Variants in FOXK1 observed in about 807,000 individuals in gnomAD.
FOXK1 encodes the protein forkhead box K1, also known as forkhead box protein K1.
A neutral mutation model predicts 51.9 loss-of-function variants in FOXK1; 19 were observed. That is an observed-to-expected ratio of 0.37 (90% confidence interval 0.26 to 0.54). FOXK1 has a LOEUF of 0.54. FOXK1 is among the 20% of genes least tolerant of loss of function. The pLI is 0.87. For missense variants in FOXK1, 870 were observed against 1,032.7 expected (o/e 0.84, Z 2.16); for synonymous variants, 537 against 482.6 (o/e 1.11, Z -1.48).
intron 1 of FOXK1, among the ~76,000 whole-genome samples, chr7:4,705,517 TTCTCTCTC>T (rs56842360): frequency 0.042 from 4,635 of 111,584 alleles, 221 homozygotes; most frequent in African/African-American, 0.13. Flanking sequence ...TTCCTTCTCT[TTCTCTCTC>T]TCTCTCTCTC....
chr7:4,729,161 GC>G lies in FOXK1; in HGVS notation c.561-11675del, dbSNP rs1780418193. ...ACGCGGTCTTTTTACGTCTGTTTAA[GC>G]CACACAGCATGGTGGGGAGCGGAGG... On this transcript the variant is annotated intron_variant, in intron 1 of 8. Coordinates refer to ENST00000328914, the MANE Select transcript of FOXK1 (RefSeq NM_001037165.2). This position sits in a 1 kb window ranked among gnomAD's most constrained non-coding sequence, Gnocchi z 6.2. Among the ~76,000 whole-genome samples, 1 of 152,228 alleles carries G rather than the reference GC, an allele frequency of 6.6e-6. No individual in the cohort carries two copies. The highest frequency in any genetic ancestry group is 6.5e-5 in the Admixed American group (1 of 15,284).
At position 4,761,108 on chromosome 7, in the gene FOXK1, G is replaced by C; in HGVS notation, c.1741G>C (p.Ala581Pro). 6.2e-7 allele frequency: 1 copy of C among 1,613,036 alleles called. No homozygotes were observed. Among genetic ancestry groups the C allele is most frequent in the Non-Finnish European group, 8.5e-7 (1 of 1,180,006 alleles). ...CATTGCGTTTGCCACAATCCCCGCG[G>C]CTGGTGGAGTCATCCAGACGGTGGC... ...PTIAFATIPA[A>P]GGVIQTVASQ... The change falls in exon 8 of 9, where the codon GCT becomes CCT. Residue 581 changes from alanine to proline, a missense_variant. Ala to Pro is a conservative substitution (Grantham distance 27, BLOSUM62 -1). Transcript: ENST00000328914. The surrounding 1 kb of genome is among the most constrained non-coding windows in gnomAD (Gnocchi z 6.2).
intron 3 of FOXK1, chr7:4,754,820 G>T: frequency 1.5e-6 from 1 of 684,476 alleles, no homozygotes; most frequent in African/African-American, 1.8e-5. Context: ...GTCATTTGCT[G>T]GTGACAGGGG....
intron 1 of FOXK1, among the ~76,000 whole-genome samples, chr7:4,697,741 CTGTGTGTG>C (rs57978112): frequency 0.2 from 26,465 of 135,522 alleles, 2,990 homozygotes; most frequent in Non-Finnish European, 0.28. Flanking sequence ...GAAAGATAGG[CTGTGTGTG>C]TGTGTGTGTG....
At position 4,722,029 on chromosome 7, in the gene FOXK1, T is replaced by G. The variant is rs1780320250; in HGVS notation, c.561-18809T>G. Among the ~76,000 whole-genome samples the G allele has an allele frequency of 1.3e-5, 2 of 152,236 alleles. 1 individual carries two copies. Among genetic ancestry groups the G allele is most frequent in the South Asian group, 4.1e-4 (2 of 4,834 alleles). On this transcript the variant is annotated intron_variant, in intron 1 of 8. Transcript: ENST00000328914. The surrounding 1 kb of genome is among the most constrained non-coding windows in gnomAD (Gnocchi z 5.1). ...CCAAAGGAGGCAGCCGGGGTGAGAC[T>G]GGTGACCCCGCTGCATCCCATACCC...
At position 4,760,883 on chromosome 7, in the gene FOXK1, T is replaced by A. The variant is rs145390347; in HGVS notation, c.1697-181T>A. Among the ~76,000 whole-genome samples the A allele has an allele frequency of 8.2e-4, 125 of 152,286 alleles. 1 individual carries two copies. The highest frequency in any genetic ancestry group is 2.9e-3 in the African/African-American group (120 of 41,566). ...AATAAATAAGTAAGTAAAATATTGTTCTAAAACCCTAGTAATTTTCTTCCC... is the reference window on the plus strand; with the variant it reads ...AATAAATAAGTAAGTAAAATATTGTACTAAAACCCTAGTAATTTTCTTCCC... On this transcript the variant is annotated intron_variant, in intron 7 of 8. Coordinates refer to ENST00000328914, the MANE Select transcript of FOXK1 (RefSeq NM_001037165.2).
At position 4,729,406 on chromosome 7, in the gene FOXK1, G is replaced by A. The variant is rs1780421676; in HGVS notation, c.561-11432G>A. 2.0e-5 allele frequency among the ~76,000 whole-genome samples: 3 copies of A among 152,190 alleles called. No homozygotes were observed. Among genetic ancestry groups the A allele is most frequent in the South Asian group, 2.1e-4 (1 of 4,830 alleles). On this transcript the variant is annotated intron_variant, in intron 1 of 8. Coordinates refer to ENST00000328914, the MANE Select transcript of FOXK1 (RefSeq NM_001037165.2). This position sits in a 1 kb window ranked among gnomAD's most constrained non-coding sequence, Gnocchi z 6.2. The stretch of plus-strand genomic sequence containing the variant: ...CACCACGGGTCCCCATGTTGGGATT[G>A]GGAAGCAGTCACCTACCAGATGAGC...
rs773297568 is a variant in FOXK1, at chr7:4,755,392, G to A, written c.1050+9G>A. 39 of 1,613,090 alleles carry A rather than the reference G, an allele frequency of 2.4e-5. No individual in the cohort carries two copies. Among genetic ancestry groups the A allele is most frequent in the Non-Finnish European group, 3.0e-5 (35 of 1,179,858 alleles). On this transcript the variant is annotated intron_variant, in intron 4 of 8. Transcript: ENST00000328914. The surrounding 1 kb of genome is among the most constrained non-coding windows in gnomAD (Gnocchi z 6.6). Reference sequence around the variant, plus strand: ...CCGACAAAGGCTGGCAGGTGAAGCCGAGTCCCCAGGGCCGGATCGCCTCTG... The same window carrying A: ...CCGACAAAGGCTGGCAGGTGAAGCCAAGTCCCCAGGGCCGGATCGCCTCTG...
rs960110875 is a variant in FOXK1 at position 4,753,896 on chromosome 7, C to T, written c.747-563C>T. Among the ~76,000 whole-genome samples, 1 of 152,160 alleles carries T rather than the reference C, an allele frequency of 6.6e-6. No homozygotes were observed. The highest frequency in any genetic ancestry group is 1.5e-5 in the Non-Finnish European group (1 of 68,022). ...TGAGGGCAGGGGCATCTCAGCGGCT[C>T]AGGGCAAAACTGCAGGGGTCATCTC... On this transcript the variant is annotated intron_variant, in intron 2 of 8. Coordinates refer to ENST00000328914, the MANE Select transcript of FOXK1 (RefSeq NM_001037165.2). This position sits in a 1 kb window ranked among gnomAD's most constrained non-coding sequence, Gnocchi z 4.9.
At position 4,682,831 on chromosome 7, in the gene FOXK1, C is replaced by T; in HGVS notation, c.523C>T (p.Gln175Ter). ...CGGCGTCTTCGTGGACGGGGCCTTC[C>T]AGAGACGCGGCGCGCCCGCCCTGCA... is the stretch of plus-strand genomic sequence containing the variant. ...KNGVFVDGAFQRRGAPALQLP... is the reference protein window; with the variant it reads ...KNGVFVDGAF The change falls in exon 1 of 9, where the codon CAG becomes TAG. Residue 175 changes from glutamine to a stop codon, truncating the protein, a stop_gained. Coordinates refer to ENST00000328914, the MANE Select transcript of FOXK1 (RefSeq NM_001037165.2). LOFTEE classifies it high-confidence loss of function. The surrounding 1 kb of genome is among the most constrained non-coding windows in gnomAD (Gnocchi z 7.6). 6.4e-7 allele frequency: 1 copy of T among 1,569,646 alleles called. No homozygotes were observed. Among genetic ancestry groups the T allele is most frequent in the Non-Finnish European group, 8.6e-7 (1 of 1,163,596 alleles).
chr7:4,737,517 C>A (rs1780569439), intron 1 of FOXK1, among the ~76,000 whole-genome samples: 1 of 150,212 alleles, frequency 6.7e-6, no homozygotes, highest in African/African-American at 2.5e-5. Context: ...CGTGTCCGTG[C>A]ATGCATGTGT....
At position 4,729,151 on chromosome 7, in the gene FOXK1, G is replaced by A. The variant is rs548730720; in HGVS notation, c.561-11687G>A. On this transcript the variant is annotated intron_variant, in intron 1 of 8. Coordinates refer to ENST00000328914, the MANE Select transcript of FOXK1 (RefSeq NM_001037165.2). The surrounding 1 kb of genome is among the most constrained non-coding windows in gnomAD (Gnocchi z 6.2). Reference sequence around the variant, plus strand: ...GTCCATCTTTACGCGGTCTTTTTACGTCTGTTTAAGCCACACAGCATGGTG... The same window carrying A: ...GTCCATCTTTACGCGGTCTTTTTACATCTGTTTAAGCCACACAGCATGGTG... Among the ~76,000 whole-genome samples, 7 of 152,306 alleles carry A rather than the reference G, an allele frequency of 4.6e-5. No individual in the cohort carries two copies. Among genetic ancestry groups the A allele is most frequent in the Non-Finnish European group, 7.3e-5 (5 of 68,040 alleles).
Position 4,743,879 on chromosome 7 carries a change from C to CTT in FOXK1, c.746+2870_746+2871dup, listed in dbSNP as rs34815763. 9.5e-5 allele frequency among the ~76,000 whole-genome samples: 13 copies of CTT among 136,870 alleles called. No homozygotes were observed. The highest frequency in any genetic ancestry group is 2.9e-4 in the African/African-American group (11 of 38,188). The allele number at this position is 136,870 out of a possible 152,430, so 89.8% of individuals were successfully genotyped here. ...AGGTTGTAATCCAGCTAAACAGAAG[C>CTT]TTTTTTTTTTTTTTTGAGACGGAGT... On this transcript the variant is annotated intron_variant, in intron 2 of 8. Transcript: ENST00000328914. This position sits in a 1 kb window ranked among gnomAD's most constrained non-coding sequence, Gnocchi z 5.3.
At chr7:4,705,128 G>T (rs1435246359) in intron 1 of FOXK1, among the ~76,000 whole-genome samples, 1 of 152,058 alleles carries the variant, frequency 6.6e-6, no homozygotes, top group Non-Finnish European at 1.5e-5. Context: ...ACTGCACCTG[G>T]CCTAAAAGTT....
At position 4,747,574 on chromosome 7, in the gene FOXK1, T is replaced by C. The variant is rs1159231247; in HGVS notation, c.746+6551T>C. On this transcript the variant is annotated intron_variant, in intron 2 of 8. Transcript: ENST00000328914. This position sits in a 1 kb window ranked among gnomAD's most constrained non-coding sequence, Gnocchi z 9.2. ...TTTTTGGGACAGGGTCTCACTCTAT[T>C]GCCCAGGCTGGAGTGCAGTGGCACA... Among the ~76,000 whole-genome samples the C allele has an allele frequency of 6.6e-6, 1 of 152,204 alleles. No homozygotes were observed. The highest frequency in any genetic ancestry group is 1.5e-5 in the Non-Finnish European group (1 of 68,034).
At chr7:4,690,906 C>T (rs1320690940) in intron 1 of FOXK1, among the ~76,000 whole-genome samples, 1 of 152,170 alleles carries the variant, frequency 6.6e-6, no homozygotes, top group African/African-American at 2.4e-5. Context: ...AATTACCCTA[C>T]ATTTAAAGCA....
At position 4,715,477 on chromosome 7, in the gene FOXK1, C is replaced by T. The variant is rs962493894; in HGVS notation, c.561-25361C>T. 3.9e-5 allele frequency among the ~76,000 whole-genome samples: 6 copies of T among 152,286 alleles called. No individual in the cohort carries two copies. The South Asian group carries it at 8.3e-4, about 21-fold the overall frequency. The stretch of plus-strand genomic sequence containing the variant: ...AGGGGGTTGGCTGGAACTCGGGCCC[C>T]GCTGGCCGGCGGTAGGAGCTGGAAT... On this transcript the variant is annotated intron_variant, in intron 1 of 8. Transcript: ENST00000328914. This position sits in a 1 kb window ranked among gnomAD's most constrained non-coding sequence, Gnocchi z 4.5.
chr7:4,725,769 A>T (rs1780373532), intron 1 of FOXK1, among the ~76,000 whole-genome samples: 1 of 152,174 alleles, frequency 6.6e-6, no homozygotes, highest in Non-Finnish European at 1.5e-5. Flanking sequence ...GCTGCCCTGT[A>T]GGTTTCAGTT....
chr7:4,759,828 C>T (rs1025824519), intron 7 of FOXK1: 1 of 587,500 alleles, frequency 1.7e-6, no homozygotes, highest in East Asian at 3.0e-5. Flanking sequence ...GTCCGGAGTT[C>T]GAGGTCAGCC....
Sources: allele counts gnomAD v4.1 joint callset (sites outside exome capture counted in the v4.1 genomes callset), GRCh38; gene constraint gnomAD v4.1.1; non-coding constraint Gnocchi (gnomAD v3.1); transcripts MANE v1.5; gene names NCBI Gene and HGNC (gene_info 2026-07-23, HGNC 2026-07-21).